The following PPFIBP1 variants were observed in gnomAD, a reference collection of about 807,000 sequenced individuals.
PPFIBP1 encodes liprin-beta-1.
PPFIBP1 carries 112 observed loss-of-function variants against 137.8 expected under a neutral mutation model. The observed-to-expected ratio is 0.81, with a 90% CI of 0.70 to 0.95. The LOEUF is 0.95. PPFIBP1 is among the 40% of genes least tolerant of loss of function. The pLI, the probability that PPFIBP1 is intolerant of heterozygous loss-of-function variation, is 0.00. For synonymous variants in PPFIBP1, 378 were observed against 417.3 expected (o/e 0.91, Z 1.15); for missense variants, 1,083 against 1,196.6 (o/e 0.91, Z 1.40).
intron 10 of PPFIBP1, among the ~76,000 whole-genome samples, chr12:27,659,660 TA>T (rs60576797): frequency 0.79 from 118,493 of 149,448 alleles, 47,064 homozygotes; most frequent in East Asian, 0.88. Context: ...CCCCATCTCT[TA>T]AAAAAAAAAA....
At chr12:27,532,715 C>G (rs1944547444) in intron 1 of PPFIBP1, among the ~76,000 whole-genome samples, 1 of 151,874 alleles carries the variant, frequency 6.6e-6, no homozygotes, top group Non-Finnish European at 1.5e-5. Context: ...GATGAGCATA[C>G]TTGGGTTTGG....
chr12:27,629,987 T>A (rs4930866), intron 2 of PPFIBP1, among the ~76,000 whole-genome samples: 1 of 151,772 alleles, frequency 6.6e-6, no homozygotes, highest in Non-Finnish European at 1.5e-5. Context: ...TGAATATAAC[T>A]TGTAGACTTG....
chr12:27,569,227 A>G (rs1391656828), intron 1 of PPFIBP1, among the ~76,000 whole-genome samples: 1 of 152,216 alleles, frequency 6.6e-6, no homozygotes, highest in African/African-American at 2.4e-5. Flanking sequence ...CTTTTTCATC[A>G]GGGTACTGCT....
chr12:27,563,902 T>G (rs940200462), intron 1 of PPFIBP1, among the ~76,000 whole-genome samples: 14 of 150,794 alleles, frequency 9.3e-5, no homozygotes, highest in African/African-American at 3.4e-4. Flanking sequence ...AGACGGAGTC[T>G]CTCTCTGTCA....
chr12:27,563,762 T>G (rs2049384353), intron 1 of PPFIBP1, among the ~76,000 whole-genome samples: 1 of 152,170 alleles, frequency 6.6e-6, no homozygotes, highest in South Asian at 2.1e-4. Flanking sequence ...GCATTTAATA[T>G]GTCATTGTGC....
At chr12:27,563,780 G>A (rs1366231427) in intron 1 of PPFIBP1, among the ~76,000 whole-genome samples, 1 of 152,032 alleles carries the variant, frequency 6.6e-6, no homozygotes, top group Non-Finnish European at 1.5e-5. Context: ...TGCATATGTG[G>A]GGTTTTTTTG....
At chr12:27,556,451 T>C (rs1463343082) in intron 1 of PPFIBP1, among the ~76,000 whole-genome samples, 1 of 152,224 alleles carries the variant, frequency 6.6e-6, no homozygotes, top group Non-Finnish European at 1.5e-5. Context: ...GACAAAAGGC[T>C]AACTGTTGTG....
intron 24 of PPFIBP1, among the ~76,000 whole-genome samples, chr12:27,686,241 TG>T (rs2061194924): frequency 6.6e-6 from 1 of 152,234 alleles, no homozygotes; most frequent in Non-Finnish European, 1.5e-5. Context: ...TAAATATTTC[TG>T]TAGTAGATTA....
In PPFIBP1 at chr12:27,692,984, G is replaced by C; in HGVS notation, c.*102G>C. ...ACAGGCAGCGGATTGTCTATTGTTTGTTGTTCCAACTTCTGCTGTCGAGAA... is the reference window on the plus strand; with the variant it reads ...ACAGGCAGCGGATTGTCTATTGTTTCTTGTTCCAACTTCTGCTGTCGAGAA... On this transcript the variant is annotated 3_prime_UTR_variant, in exon 30 of 30. Coordinates refer to ENST00000228425, the MANE Select transcript of PPFIBP1 (RefSeq NM_003622.4). 6.7e-7 allele frequency: 1 copy of C among 1,493,202 alleles called. No homozygotes were observed. Among genetic ancestry groups the C allele is most frequent in the African/African-American group, 1.4e-5 (1 of 71,722 alleles). The allele number at this position is 1,493,202 out of a possible 1,614,324, so 92.5% of individuals were successfully genotyped here.
chr12:27,529,247 C>T (rs997113363), intron 1 of PPFIBP1, among the ~76,000 whole-genome samples: 10 of 152,178 alleles, frequency 6.6e-5, no homozygotes, highest in South Asian at 4.1e-4. Flanking sequence ...TTCACCTCTC[C>T]TTTAATTTAG....
chr12:27,564,441 C>G (rs11049047), intron 1 of PPFIBP1, among the ~76,000 whole-genome samples: 15,636 of 152,182 alleles, frequency 0.1, 1,039 homozygotes, highest in South Asian at 0.31. Flanking sequence ...TTATGATTTA[C>G]CAAGTCTGGT....
At chr12:27,646,816 G>A (rs1458266894) in intron 5 of PPFIBP1, among the ~76,000 whole-genome samples, 2 of 152,108 alleles carry the variant, frequency 1.3e-5, no homozygotes, top group African/African-American at 2.4e-5. Context: ...ATGAATTGAA[G>A]TATATTTACT....
At chr12:27,643,896 T>G (rs841641) in intron 4 of PPFIBP1, among the ~76,000 whole-genome samples, 34,576 of 130,808 alleles carry the variant, frequency 0.26, 4,642 homozygotes, top group African/African-American at 0.3. Flanking sequence ...TAAATATCAA[T>G]ACAGTACTGA....
chr12:27,591,967 C>G (rs2052569328), intron 2 of PPFIBP1, among the ~76,000 whole-genome samples: 1 of 152,230 alleles, frequency 6.6e-6, no homozygotes. Context: ...ATGGGTCACG[C>G]TGCTACCTAC....
intron 3 of PPFIBP1, among the ~76,000 whole-genome samples, chr12:27,634,173 G>A (rs2057482224): frequency 2.9e-5 from 4 of 139,020 alleles, no homozygotes; most frequent in Admixed American, 1.6e-4. Flanking sequence ...AAGAGAGGAA[G>A]TCTTGCTATG....
At chr12:27,612,175 A>C (rs2138182405) in intron 2 of PPFIBP1, among the ~76,000 whole-genome samples, 1 of 152,236 alleles carries the variant, frequency 6.6e-6, no homozygotes, top group East Asian at 1.9e-4. Flanking sequence ...ATGCCGTCAG[A>C]GGTACAGGTT....
intron 2 of PPFIBP1, among the ~76,000 whole-genome samples, chr12:27,594,587 C>T (rs1375939989): frequency 1.3e-5 from 2 of 152,198 alleles, no homozygotes; most frequent in Non-Finnish European, 2.9e-5. Context: ...TCAAAACTTA[C>T]TTCATTGTGT....
At chr12:27,651,199 C>T (rs1593142032) in intron 7 of PPFIBP1, among the ~76,000 whole-genome samples, 1 of 152,112 alleles carries the variant, frequency 6.6e-6, no homozygotes, top group Middle Eastern at 3.4e-3. Flanking sequence ...GATTCAATTA[C>T]AGTGGAAAGT....
intron 2 of PPFIBP1, among the ~76,000 whole-genome samples, chr12:27,624,914 A>C (rs943075792): frequency 5.9e-5 from 9 of 152,194 alleles, no homozygotes; most frequent in African/African-American, 2.2e-4. Flanking sequence ...TTTGTGGTTT[A>C]AATACATGGA....
Sources: gnomAD v4.1 joint callset for allele counts (sites outside exome capture counted in the v4.1 genomes callset) on GRCh38, gnomAD v4.1.1 for gene constraint, MANE v1.5 for transcripts, NCBI Gene and HGNC (gene_info 2026-07-23, HGNC 2026-07-21) for gene names.